BBS9: variants seen among roughly 807,000 people sequenced by gnomAD.
BBS9 encodes the protein protein PTHB1.
A neutral mutation model predicts 117.7 loss-of-function variants in BBS9; 89 were observed. That is an observed-to-expected ratio of 0.76 (90% CI 0.64 to 0.90). The LOEUF (loss-of-function observed/expected upper bound fraction) is 0.90, where lower values mean the gene tolerates loss of function less well. Among genes scored for constraint, BBS9 ranks in the 40% least tolerant of loss-of-function variants. The pLI is 0.00. For synonymous variants in BBS9, 379 were observed against 370.9 expected (o/e 1.02, Z -0.25); for missense variants, 982 against 1,042.2 (o/e 0.94, Z 0.80).
intron 9 of BBS9, among the ~76,000 whole-genome samples, chr7:33,322,048 A>G (rs901387046): frequency 2.0e-5 from 3 of 152,116 alleles, no homozygotes; most frequent in African/African-American, 4.8e-5. Context: ...ATGTTGAACT[A>G]TACCAGCATC....
At chr7:33,461,509 C>T (rs1839463718) in intron 19 of BBS9, among the ~76,000 whole-genome samples, 2 of 151,646 alleles carry the variant, frequency 1.3e-5, no homozygotes, top group Admixed American at 6.6e-5. Flanking sequence ...CCATATTCAT[C>T]TCAGGAGAGT....
chr7:33,464,497 T>G (rs1200852379), intron 19 of BBS9, among the ~76,000 whole-genome samples: 1 of 152,056 alleles, frequency 6.6e-6, no homozygotes, highest in Non-Finnish European at 1.5e-5. Flanking sequence ...GAGGACTAGT[T>G]TGCTTTAAAC....
At chr7:33,606,085 T>A (rs1211349633), downstream of BBS9, 1 of 152,140 alleles carries the variant, frequency 6.6e-6, no homozygotes, top group East Asian at 1.9e-4. Context: ...TGCCTCTCAG[T>A]ACAAAGGGGA....
intron 21 of BBS9, among the ~76,000 whole-genome samples, chr7:33,565,842 G>GA (rs1856835383): frequency 5.9e-5 from 1 of 17,068 alleles, no homozygotes; most frequent in African/African-American, 5.9e-4. Flanking sequence ...TATATATACT[G>GA]CTTATATATA....
At chr7:33,281,989 A>C (rs1049318589) in intron 9 of BBS9, among the ~76,000 whole-genome samples, 1 of 151,612 alleles carries the variant, frequency 6.6e-6, no homozygotes, top group East Asian at 2.0e-4. Flanking sequence ...AGATTAAAAA[A>C]AAATTTGTAG....
intron 19 of BBS9, among the ~76,000 whole-genome samples, chr7:33,462,301 G>A (rs1839578673): frequency 6.6e-6 from 1 of 151,996 alleles, no homozygotes; most frequent in Admixed American, 6.6e-5. Context: ...AGTTGGTCAG[G>A]CTTTCCTTGT....
At chr7:33,267,170 A>T (rs1798972366) in intron 7 of BBS9, among the ~76,000 whole-genome samples, 1 of 152,054 alleles carries the variant, frequency 6.6e-6, no homozygotes, top group Non-Finnish European at 1.5e-5. Flanking sequence ...AATGACCTTT[A>T]TCCTTTTGTT....
chr7:33,359,973 TTAAA>T (rs1208056383), intron 16 of BBS9, among the ~76,000 whole-genome samples: 17 of 152,156 alleles, frequency 1.1e-4, no homozygotes, highest in Non-Finnish European at 2.1e-4. Context: ...TTTCTAATCT[TTAAA>T]TAAATATTTT....
At chr7:33,415,142 A>C (rs1831777763) in intron 19 of BBS9, among the ~76,000 whole-genome samples, 1 of 152,158 alleles carries the variant, frequency 6.6e-6, no homozygotes, top group Non-Finnish European at 1.5e-5. Context: ...GTAGGAGGAA[A>C]GGATGCAAAG....
chr7:33,366,939 T>C (rs1020426488), intron 16 of BBS9, among the ~76,000 whole-genome samples: 7 of 152,200 alleles, frequency 4.6e-5, no homozygotes, highest in African/African-American at 1.7e-4. Flanking sequence ...GAGTTCTTCA[T>C]GGATGGTAGT....
intron 9 of BBS9, among the ~76,000 whole-genome samples, chr7:33,275,180 C>T (rs1001791358): frequency 2.0e-5 from 3 of 151,986 alleles, no homozygotes; most frequent in Admixed American, 1.3e-4. Context: ...AAAATGGAAA[C>T]GGTGTTTTGA....
intron 4 of BBS9, among the ~76,000 whole-genome samples, chr7:33,162,535 G>C (rs1273191849): frequency 2.0e-5 from 3 of 152,106 alleles, no homozygotes; most frequent in Non-Finnish European, 4.4e-5. Flanking sequence ...TCTCCTTGAA[G>C]AGGTCCTTCA....
intron 19 of BBS9, among the ~76,000 whole-genome samples, chr7:33,438,263 C>G (rs1311796106): frequency 3.3e-5 from 5 of 152,088 alleles, no homozygotes; most frequent in Non-Finnish European, 5.9e-5. Flanking sequence ...TATTTTTAAC[C>G]TCAGGGTAGG....
In BBS9 at chr7:33,460,874, T is replaced by G. The variant is rs80204750; in HGVS notation, c.2116-44589T>G. 8.7e-3 allele frequency among the ~76,000 whole-genome samples: 1,330 copies of G among 152,148 alleles called. 22 individuals carry two copies. The highest frequency in any genetic ancestry group is 0.031 in the African/African-American group (1,279 of 41,540). On this transcript the variant is annotated intron_variant, in intron 19 of 22. Transcript: ENST00000242067. ...CTCCAAAGTAAAACGCCTTACCCAA[T>G]AAGCAGTTTCTTTCATTAACCCATT...
downstream of BBS9, among the ~76,000 whole-genome samples, chr7:33,606,528 G>A (rs2598385): frequency 0.41 from 61,584 of 152,014 alleles, 17,861 homozygotes; most frequent in African/African-American, 0.82. Context: ...CTTATGGTAC[G>A]GCACAACTGC....
intron 13 of BBS9, among the ~76,000 whole-genome samples, chr7:33,349,770 G>T (rs943007247): frequency 1.3e-5 from 2 of 152,114 alleles, no homozygotes; most frequent in African/African-American, 4.8e-5. Context: ...TTCTTTATTG[G>T]TGTTTCTTTA....
At chr7:33,430,726 A>G (rs17170230) in intron 19 of BBS9, among the ~76,000 whole-genome samples, 1,751 of 152,340 alleles carry the variant, frequency 0.011, 35 homozygotes, top group African/African-American at 0.04. Flanking sequence ...CCAGTGGCCA[A>G]TGGACAGTGG....
chr7:33,494,421 A>G (rs951231035), intron 19 of BBS9, among the ~76,000 whole-genome samples: 2 of 152,226 alleles, frequency 1.3e-5, no homozygotes, highest in African/African-American at 4.8e-5. Context: ...CAGACTTCAT[A>G]ACACTTGCAG....
At chr7:33,446,302 T>A (rs1836982415) in intron 19 of BBS9, among the ~76,000 whole-genome samples, 1 of 152,208 alleles carries the variant, frequency 6.6e-6, no homozygotes, top group South Asian at 2.1e-4. Context: ...TGTCTAATAT[T>A]AAGGTACAAT....
Sources: allele counts gnomAD v4.1 joint callset (sites outside exome capture counted in the v4.1 genomes callset), GRCh38; gene constraint gnomAD v4.1.1; transcripts MANE v1.5; gene names NCBI Gene and HGNC (gene_info 2026-07-23, HGNC 2026-07-21).